TNRC6B: variants seen among roughly 807,000 people sequenced by gnomAD.
The protein encoded by TNRC6B is trinucleotide repeat-containing gene 6B protein.
A neutral mutation model predicts 203.6 loss-of-function variants in TNRC6B; 52 were observed. The ratio of observed to expected loss-of-function variants is 0.26; its 90% CI spans 0.20 to 0.32. TNRC6B has a LOEUF of 0.32. TNRC6B is among the 10% of genes least tolerant of loss of function. The pLI is 1.00. For synonymous variants in TNRC6B, 838 were observed against 845.7 expected (o/e 0.99, Z 0.16); for missense variants, 1,923 against 2,286.2 (o/e 0.84, Z 3.24).
intron 1 of TNRC6B, among the ~76,000 whole-genome samples, chr22:40,075,951 A>G (rs2068009593): frequency 1.3e-5 from 2 of 152,222 alleles, no homozygotes; most frequent in African/African-American, 4.8e-5. Context: ...AATGTCCCAC[A>G]ATTCATTGTT....
At chr22:40,045,285 G>A (rs1207740535) in intron 1 of TNRC6B, among the ~76,000 whole-genome samples, 2 of 146,574 alleles carry the variant, frequency 1.4e-5, no homozygotes, top group African/African-American at 4.9e-5. Flanking sequence ...GGCGGGGAGG[G>A]ACTCGGGGCG....
intron 1 of TNRC6B, among the ~76,000 whole-genome samples, chr22:40,181,883 C>T (rs2069134649): frequency 1.3e-5 from 2 of 149,930 alleles, no homozygotes; most frequent in Admixed American, 1.3e-4. Flanking sequence ...GATGTTGACA[C>T]TGCAGTTAGC....
At chr22:40,210,519 C>A (rs1389403802) in intron 1 of TNRC6B, among the ~76,000 whole-genome samples, 1 of 152,210 alleles carries the variant, frequency 6.6e-6, no homozygotes, top group African/African-American at 2.4e-5. Flanking sequence ...TCATTGAAAA[C>A]TGTTAACACT....
intron 3 of TNRC6B, among the ~76,000 whole-genome samples, chr22:40,142,815 A>C (rs2068656497): frequency 6.6e-6 from 1 of 152,182 alleles, no homozygotes; most frequent in South Asian, 2.1e-4. Context: ...TTAGAAAAAA[A>C]TTATCCAAAG....
At chr22:40,062,352 C>T (rs1391333143) in intron 1 of TNRC6B, among the ~76,000 whole-genome samples, 1 of 151,978 alleles carries the variant, frequency 6.6e-6, no homozygotes, top group Admixed American at 6.6e-5. Flanking sequence ...AGACGTCCAC[C>T]ACCATGCCCA....
intron 12 of TNRC6B, among the ~76,000 whole-genome samples, chr22:40,286,255 G>T (rs1390865355): frequency 6.6e-6 from 1 of 152,146 alleles, no homozygotes; most frequent in Non-Finnish European, 1.5e-5. Flanking sequence ...TTGAGGCCAG[G>T]ATCACTTGAG....
At chr22:40,103,490 A>T (rs2068257596) in intron 1 of TNRC6B, among the ~76,000 whole-genome samples, 1 of 152,150 alleles carries the variant, frequency 6.6e-6, no homozygotes, top group Non-Finnish European at 1.5e-5. Context: ...TTCATGTTGT[A>T]GTATCAGTAG....
intron 22 of TNRC6B, chr22:40,321,528 C>T: frequency 7.2e-6 from 2 of 278,134 alleles, no homozygotes; most frequent in Non-Finnish European, 1.4e-5. Context: ...TGGCCCATGC[C>T]TGTAATCCCA....
intron 2 of TNRC6B, among the ~76,000 whole-genome samples, chr22:40,247,043 C>T (rs990253024): frequency 5.3e-5 from 8 of 152,312 alleles, no homozygotes; most frequent in South Asian, 2.1e-4. Flanking sequence ...ATGTACCTTA[C>T]CTCCCTGTTT....
intron 3 of TNRC6B, among the ~76,000 whole-genome samples, chr22:40,149,509 A>C (rs1202358647): frequency 6.6e-6 from 1 of 152,064 alleles, no homozygotes; most frequent in Non-Finnish European, 1.5e-5. Flanking sequence ...TCTACTAAAA[A>C]TACAAAAAAA....
At chr22:40,130,179 A>G (rs761478132) in intron 3 of TNRC6B, among the ~76,000 whole-genome samples, 3 of 152,156 alleles carry the variant, frequency 2.0e-5, no homozygotes, top group Non-Finnish European at 2.9e-5. Flanking sequence ...TGGGTTGAGG[A>G]AGGCAGAGTG....
intron 12 of TNRC6B, among the ~76,000 whole-genome samples, chr22:40,289,925 C>T (rs761288629): frequency 2.6e-5 from 4 of 152,218 alleles, no homozygotes; most frequent in Non-Finnish European, 5.9e-5. Context: ...GGAGTTCAGG[C>T]CAAAAACCTT....
In TNRC6B at chr22:40,265,012, C is replaced by G; in HGVS notation, c.782C>G (p.Ser261Cys). ...GNECNLGVWK[S>C]DPKAKSVQSS... Reference sequence around the variant, plus strand: ...GAATGTAATCTTGGGGTCTGGAAATCTGACCCTAAGGCTAAATCTGTTCAA... The same window carrying G: ...GAATGTAATCTTGGGGTCTGGAAATGTGACCCTAAGGCTAAATCTGTTCAA... Residue 261 changes from serine to cysteine, a missense_variant, in exon 5 of 23, where the codon TCT (serine) becomes TGT (cysteine). Ser to Cys is a moderately radical substitution (Grantham distance 112). Coordinates refer to ENST00000454349, the MANE Select transcript of TNRC6B (RefSeq NM_001162501.2). 4 of 1,614,020 alleles carry G rather than the reference C, an allele frequency of 2.5e-6. No homozygotes were observed. The highest frequency in any genetic ancestry group is 3.4e-6 in the Non-Finnish European group (4 of 1,179,902).
chr22:40,076,991 C>T (rs2068020149), intron 1 of TNRC6B, among the ~76,000 whole-genome samples: 1 of 146,594 alleles, frequency 6.8e-6, no homozygotes, highest in South Asian at 2.2e-4. Flanking sequence ...AAGACCCTAT[C>T]TCTAAGAAAA....
At chr22:40,229,456 T>TC (rs1022718157) in intron 1 of TNRC6B, among the ~76,000 whole-genome samples, 199 of 152,254 alleles carry the variant, frequency 1.3e-3, no homozygotes, top group African/African-American at 4.5e-3. Context: ...TTTTTTTTTT[T>TC]TCTCTCTCTT....
At chr22:40,184,151 C>G (rs1200924800) in intron 1 of TNRC6B, among the ~76,000 whole-genome samples, 1 of 152,218 alleles carries the variant, frequency 6.6e-6, no homozygotes. Flanking sequence ...TTTACTCATT[C>G]ATTCTGCAAA....
At chr22:40,152,304 G>C (rs1049747933) in intron 3 of TNRC6B, among the ~76,000 whole-genome samples, 1 of 152,140 alleles carries the variant, frequency 6.6e-6, no homozygotes, top group Non-Finnish European at 1.5e-5. Flanking sequence ...GGACGGAAAA[G>C]TTTACTGACT....
At chr22:40,176,416 C>A (rs978491237), upstream of TNRC6B, among the ~76,000 whole-genome samples, 2 of 152,008 alleles carry the variant, frequency 1.3e-5, no homozygotes, top group East Asian at 1.9e-4. Flanking sequence ...TATGAGCCAC[C>A]GCACCCGGCC....
chr22:40,191,556 G>T (rs1353438076), intron 1 of TNRC6B, among the ~76,000 whole-genome samples: 2 of 152,056 alleles, frequency 1.3e-5, no homozygotes, highest in Non-Finnish European at 2.9e-5. Flanking sequence ...AGTTTGATTG[G>T]TTTTGTATTC....
Sources: gnomAD v4.1 joint callset for allele counts (sites outside exome capture counted in the v4.1 genomes callset) on GRCh38, gnomAD v4.1.1 for gene constraint, MANE v1.5 for transcripts, NCBI Gene and HGNC (gene_info 2026-07-23, HGNC 2026-07-21) for gene names.